RALGPS1: variants seen among roughly 807,000 people sequenced by gnomAD.
The protein encoded by RALGPS1 is ras-specific guanine nucleotide-releasing factor RalGPS1.
Under a neutral mutation model 78.8 loss-of-function variants are expected in RALGPS1, and 19 were observed. The observed-to-expected ratio is 0.24, with a 90% CI of 0.17 to 0.35. The LOEUF is 0.35. Ranked by LOEUF, RALGPS1 falls within the 10% of genes least tolerant of loss-of-function variation. RALGPS1 has a pLI of 1.00. For synonymous variants in RALGPS1, 228 were observed against 256.3 expected (o/e 0.89, Z 1.06); for missense variants, 454 against 688.3 (o/e 0.66, Z 3.81).
In RALGPS1 at chr9:127,171,632, G is replaced by A. The variant is rs554421920; in HGVS notation, c.842+2860G>A. On this transcript the variant is annotated intron_variant, in intron 10 of 18. Transcript: ENST00000259351. The stretch of plus-strand genomic sequence containing the variant: ...AAATTAGTCTGGCGTGGTGGCGCAC[G>A]CCTGTAGTCCTACCTACTCGGGAGG... 1.8e-4 allele frequency among the ~76,000 whole-genome samples: 28 copies of A among 152,292 alleles called. No homozygotes were observed. The South Asian group carries it at 5.0e-3, about 27-fold the overall frequency.
intron 1 of RALGPS1, among the ~76,000 whole-genome samples, chr9:126,944,218 A>G (rs2037044371): frequency 6.6e-6 from 1 of 152,220 alleles, no homozygotes; most frequent in African/African-American, 2.4e-5. Context: ...GCCCTAGTTC[A>G]CCACACATCT....
At chr9:127,062,957 A>G (rs905421681) in intron 7 of RALGPS1, among the ~76,000 whole-genome samples, 9 of 152,214 alleles carry the variant, frequency 5.9e-5, no homozygotes, top group African/African-American at 1.9e-4. Context: ...TGCTGAATCC[A>G]TTGGTCCATA....
intron 11 of RALGPS1, among the ~76,000 whole-genome samples, chr9:127,192,902 G>T (rs946657128): frequency 1.2e-4 from 19 of 152,154 alleles, no homozygotes; most frequent in Non-Finnish European, 2.5e-4. Context: ...GAGTGACCCC[G>T]AGCACCAGGT....
chr9:127,172,122 A>G (rs1412152265), intron 10 of RALGPS1, among the ~76,000 whole-genome samples: 1 of 152,192 alleles, frequency 6.6e-6, no homozygotes, highest in East Asian at 1.9e-4. Context: ...ATCAGGAAGT[A>G]GGACCCCCTA....
chr9:126,984,534 T>C (rs1339074095), intron 4 of RALGPS1, among the ~76,000 whole-genome samples: 1 of 152,252 alleles, frequency 6.6e-6, no homozygotes, highest in East Asian at 1.9e-4. Flanking sequence ...AATGGTGACT[T>C]GTGGGTGTGT....
intron 4 of RALGPS1, among the ~76,000 whole-genome samples, chr9:127,032,179 A>G (rs752112404): frequency 1.2e-4 from 19 of 152,192 alleles, no homozygotes; most frequent in Admixed American, 3.9e-4. Flanking sequence ...CCAGATAAAT[A>G]TAGTATCATA....
chr9:126,945,965 A>G (rs1379927361), intron 1 of RALGPS1, among the ~76,000 whole-genome samples: 7 of 152,222 alleles, frequency 4.6e-5, no homozygotes, highest in African/African-American at 1.7e-4. Flanking sequence ...TTTTTAGTGT[A>G]TTGTTATGCA....
chr9:127,141,132 A>G (rs2057746837), intron 8 of RALGPS1, among the ~76,000 whole-genome samples: 1 of 152,136 alleles, frequency 6.6e-6, no homozygotes, highest in Non-Finnish European at 1.5e-5. Context: ...AGCGCTGGGC[A>G]GCTGGTGCAG....
chr9:127,060,699 C>G (rs886277320), intron 7 of RALGPS1, among the ~76,000 whole-genome samples: 6 of 152,132 alleles, frequency 3.9e-5, no homozygotes, highest in Non-Finnish European at 8.8e-5. Context: ...ACCCTCACAC[C>G]GTTACTGGAG....
Position 127,052,598 on chromosome 9 carries a change from C to G in RALGPS1, c.391-249C>G, listed in dbSNP as rs371518825. Reference sequence around the variant, plus strand: ...AAAGAAAGAACGTAATGCACACTATCAAACCTTACCCCGTGCCACGTTTCT... The same window carrying G: ...AAAGAAAGAACGTAATGCACACTATGAAACCTTACCCCGTGCCACGTTTCT... On this transcript the variant is annotated intron_variant, in intron 6 of 18. Coordinates refer to ENST00000259351, the MANE Select transcript of RALGPS1 (RefSeq NM_014636.3). Among the ~76,000 whole-genome samples, 129 of 152,370 alleles carry G rather than the reference C, an allele frequency of 8.5e-4. 2 individuals are homozygous for G. In the South Asian group the frequency reaches 0.025, roughly 29 times the overall value.
At chr9:127,037,790 C>T (rs1264709841) in intron 5 of RALGPS1, among the ~76,000 whole-genome samples, 1 of 152,252 alleles carries the variant, frequency 6.6e-6, no homozygotes. Flanking sequence ...GACTCAGTGG[C>T]TCAGATTGCC....
intron 10 of RALGPS1, among the ~76,000 whole-genome samples, chr9:127,171,136 A>T (rs1423360547): frequency 6.6e-6 from 1 of 152,174 alleles, no homozygotes; most frequent in East Asian, 1.9e-4. Context: ...CCTTTATTCT[A>T]TTTTATTTTA....
At chr9:127,131,223 C>T (rs933223035) in intron 8 of RALGPS1, among the ~76,000 whole-genome samples, 2 of 152,198 alleles carry the variant, frequency 1.3e-5, no homozygotes, top group African/African-American at 4.8e-5. Flanking sequence ...TGTTGCTTCT[C>T]ACCCAGCTGA....
At chr9:127,108,179 G>A in intron 8 of RALGPS1, 1 of 1,614,112 alleles carries the variant, frequency 6.2e-7, no homozygotes, top group East Asian at 2.2e-5. Context: ...GTGGCCAGGT[G>A]CTGGTACTTG....
At chr9:127,093,728 C>T in intron 8 of RALGPS1, 3 of 1,613,784 alleles carry the variant, frequency 1.9e-6, no homozygotes, top group Non-Finnish European at 2.5e-6. Context: ...CCTGCCGAGT[C>T]TCACCTTGTA....
chr9:127,095,355 C>A (rs2052999893), intron 8 of RALGPS1, among the ~76,000 whole-genome samples: 1 of 152,116 alleles, frequency 6.6e-6, no homozygotes, highest in African/African-American at 2.4e-5. Context: ...CTGAGATGGC[C>A]CCACTGCACT....
chr9:127,164,044 CGT>C (rs1333573517), intron 8 of RALGPS1, among the ~76,000 whole-genome samples: 1 of 151,560 alleles, frequency 6.6e-6, no homozygotes. Flanking sequence ...TGTGTGCATG[CGT>C]GTGTGTTTTC....
intron 8 of RALGPS1, among the ~76,000 whole-genome samples, chr9:127,146,099 TG>T (rs1734711768): frequency 6.6e-6 from 1 of 152,196 alleles, no homozygotes; most frequent in African/African-American, 2.4e-5. Flanking sequence ...ATTTTAGATA[TG>T]GGGGTACATG....
chr9:127,059,201 C>G (rs545230643), intron 7 of RALGPS1, among the ~76,000 whole-genome samples: 1 of 152,258 alleles, frequency 6.6e-6, no homozygotes, highest in African/African-American at 2.4e-5. Flanking sequence ...TGATGCAGTG[C>G]CTCAGTAGCC....
Sources: gnomAD v4.1 joint callset for allele counts (sites outside exome capture counted in the v4.1 genomes callset) on GRCh38, gnomAD v4.1.1 for gene constraint, MANE v1.5 for transcripts, NCBI Gene and HGNC (gene_info 2026-07-23, HGNC 2026-07-21) for gene names.